Variants in TRPM3 observed in about 807,000 individuals in gnomAD.
TRPM3 encodes the protein transient receptor potential cation channel subfamily M member 3.
In TRPM3, 77 loss-of-function variants were observed where a neutral mutation model predicts 181.2. The ratio of observed to expected loss-of-function variants is 0.42; its 90% confidence interval spans 0.35 to 0.51. The LOEUF (loss-of-function observed/expected upper bound fraction) is 0.51, where lower values mean the gene tolerates loss of function less well. TRPM3 is among the 20% of genes least tolerant of loss of function. The probability of loss-of-function intolerance (pLI) is 0.01; values close to 1 mark genes in which losing one functional copy is unlikely to be tolerated. For synonymous variants in TRPM3, 745 were observed against 796.4 expected, an observed-to-expected ratio of 0.94 and a Z score of 1.09; for missense variants, 1,759 against 2,196.7, an observed-to-expected ratio of 0.80 and a Z score of 3.98.
At chr9:71,056,384 GA>G (rs1438397538) in intron 1 of TRPM3, among the ~76,000 whole-genome samples, 1 of 151,928 alleles carries the variant, frequency 6.6e-6, no homozygotes, top group Non-Finnish European at 1.5e-5. Flanking sequence ...ATACACTGCA[GA>G]GATATGGATA....
intron 19 of TRPM3, among the ~76,000 whole-genome samples, chr9:70,605,610 T>C (rs1467717996): frequency 1.3e-5 from 2 of 152,252 alleles, no homozygotes; most frequent in Non-Finnish European, 1.5e-5. Flanking sequence ...ACTTGGTTCA[T>C]ATGGTTTCCG....
At chr9:70,761,177 T>C (rs1208649684) in intron 8 of TRPM3, 4 of 497,788 alleles carry the variant, frequency 8.0e-6, no homozygotes, top group African/African-American at 1.9e-5. Context: ...TTTCTACCTG[T>C]ACAGATTAGT....
intron 1 of TRPM3, among the ~76,000 whole-genome samples, chr9:71,359,855 T>C (rs2092069388): frequency 6.6e-6 from 1 of 152,126 alleles, no homozygotes; most frequent in Admixed American, 6.6e-5. Context: ...AGAGTAACTA[T>C]CCATAAAGTT....
At chr9:71,144,555 A>G (rs994520934) in intron 1 of TRPM3, among the ~76,000 whole-genome samples, 3 of 152,102 alleles carry the variant, frequency 2.0e-5, no homozygotes, top group African/African-American at 4.8e-5. Context: ...TTTCCCTCAT[A>G]TGGGTCAATT....
At chr9:70,683,428 C>CTTTTTTGTTTTTTT (rs2065965372) in intron 8 of TRPM3, among the ~76,000 whole-genome samples, 1 of 57,458 alleles carries the variant, frequency 1.7e-5, no homozygotes, top group African/African-American at 6.4e-5. Flanking sequence ...TCTCTCTCTC[C>CTTTTTTGTTTTTTT]TTTTTTTTTT....
intron 1 of TRPM3, among the ~76,000 whole-genome samples, chr9:71,364,919 A>G (rs1007563651): frequency 6.6e-6 from 1 of 152,210 alleles, no homozygotes; most frequent in Non-Finnish European, 1.5e-5. Flanking sequence ...TAAGGAATCT[A>G]TTCTTTTTTG....
chr9:71,064,043 T>C (rs1226545107), intron 1 of TRPM3, among the ~76,000 whole-genome samples: 1 of 152,124 alleles, frequency 6.6e-6, no homozygotes, highest in Non-Finnish European at 1.5e-5. Context: ...AATTTGAAAC[T>C]CATGATATGG....
At chr9:71,171,057 T>C (rs1009490297) in intron 1 of TRPM3, among the ~76,000 whole-genome samples, 1 of 152,174 alleles carries the variant, frequency 6.6e-6, no homozygotes, top group Admixed American at 6.6e-5. Flanking sequence ...CTGTCTCTTA[T>C]GGTCGAGACT....
In TRPM3 at chr9:70,637,381, T is replaced by C. The variant is rs900996631; in HGVS notation, c.1581+1679A>G. ...CTGTTCCATAATCCTCAACAAAGTA[T>C]TCCGGGAAGCCACCACCAGCAGACT... On this transcript the variant is annotated intron_variant, in intron 11 of 25. Transcript: ENST00000677713. Among the ~76,000 whole-genome samples, 4 of 152,124 alleles carry C rather than the reference T, an allele frequency of 2.6e-5. No individual in the cohort carries two copies. The East Asian group carries it at 7.7e-4, about 29-fold the overall frequency.
chr9:70,967,011 C>G (rs894421101), intron 1 of TRPM3, among the ~76,000 whole-genome samples: 7 of 135,192 alleles, frequency 5.2e-5, no homozygotes, highest in Non-Finnish European at 9.6e-5. Context: ...AATTGGGTAA[C>G]AAAGCAAAAA....
chr9:71,381,650 T>C (rs1565517462), intron 1 of TRPM3, among the ~76,000 whole-genome samples: 2 of 152,128 alleles, frequency 1.3e-5, no homozygotes, highest in African/African-American at 4.8e-5. Context: ...CAACATGACT[T>C]AGTCACTATT....
chr9:71,183,484 G>A (rs1208986456), intron 1 of TRPM3, among the ~76,000 whole-genome samples: 1 of 152,058 alleles, frequency 6.6e-6, no homozygotes, highest in African/African-American at 2.4e-5. Flanking sequence ...ATTATTGGCT[G>A]CTTCTCCTGC....
intron 7 of TRPM3, among the ~76,000 whole-genome samples, chr9:70,763,043 A>G (rs1588010197): frequency 6.6e-6 from 1 of 152,128 alleles, no homozygotes; most frequent in African/African-American, 2.4e-5. Context: ...GCTCCAGTTT[A>G]TGTGAGGTTC....
intron 1 of TRPM3, among the ~76,000 whole-genome samples, chr9:71,155,905 G>T (rs1308879164): frequency 1.3e-5 from 2 of 152,134 alleles, no homozygotes; most frequent in Non-Finnish European, 2.9e-5. Context: ...ATACAGAGAA[G>T]AAATCACCCA....
At chr9:71,429,463 G>A (rs182093602) in intron 1 of TRPM3, among the ~76,000 whole-genome samples, 2 of 152,210 alleles carry the variant, frequency 1.3e-5, no homozygotes, top group African/African-American at 4.8e-5. Context: ...AATATATGTA[G>A]ATCTCACAGA....
chr9:71,080,965 A>C (rs10868946), intron 1 of TRPM3, among the ~76,000 whole-genome samples: 35,671 of 151,898 alleles, frequency 0.23, 4,936 homozygotes, highest in East Asian at 0.41. Context: ...TTCTGGAATC[A>C]ACTGTGTACC....
intron 1 of TRPM3, among the ~76,000 whole-genome samples, chr9:71,352,269 TCAG>T (rs1487243942): frequency 6.6e-6 from 1 of 152,130 alleles, no homozygotes; most frequent in Non-Finnish European, 1.5e-5. Flanking sequence ...GTTCCATAAT[TCAG>T]AAGAAACATT....
intron 1 of TRPM3, among the ~76,000 whole-genome samples, chr9:71,250,312 G>C (rs1347051826): frequency 6.6e-6 from 1 of 151,984 alleles, no homozygotes; most frequent in African/African-American, 2.4e-5. Context: ...TATTGTTATT[G>C]TTCTCATTTT....
chr9:71,223,812 G>A (rs1339455944), intron 1 of TRPM3, among the ~76,000 whole-genome samples: 2 of 152,326 alleles, frequency 1.3e-5, no homozygotes, highest in East Asian at 3.9e-4. Flanking sequence ...CTATAGAAAG[G>A]AGAAGAAAGA....
Sources: allele counts gnomAD v4.1 joint callset (sites outside exome capture counted in the v4.1 genomes callset), GRCh38; gene constraint gnomAD v4.1.1; transcripts MANE v1.5; gene names NCBI Gene and HGNC (gene_info 2026-07-23, HGNC 2026-07-21).